PGR: variants seen among roughly 807,000 people sequenced by gnomAD.
The protein encoded by PGR is nuclear receptor subfamily 3 group C member 3.
In PGR, 25 loss-of-function variants were observed where a neutral mutation model predicts 76.1. That is an observed-to-expected ratio of 0.33 (90% CI 0.24 to 0.46). The LOEUF (loss-of-function observed/expected upper bound fraction) is 0.46. PGR is among the 20% of genes least tolerant of loss of function. The pLI, the probability that PGR is intolerant of heterozygous loss-of-function variation, is 1.00. For synonymous variants in PGR, 579 were observed against 535.0 expected (o/e 1.08, Z -1.14); for missense variants, 1,172 against 1,225.3 (o/e 0.96, Z 0.65).
intron 2 of PGR, among the ~76,000 whole-genome samples, chr11:101,102,158 A>T (rs117732947): frequency 0.013 from 1,946 of 152,358 alleles, 11 homozygotes; most frequent in Non-Finnish European, 0.021. Context: ...TTGCTAACCA[A>T]GTAAAATACA....
intron 3 of PGR, among the ~76,000 whole-genome samples, chr11:101,079,465 G>T (rs1441926931): frequency 6.7e-6 from 1 of 150,156 alleles, no homozygotes; most frequent in East Asian, 1.9e-4. Context: ...AAAATGAACA[G>T]AAATTTCTTG....
At position 101,078,790 on chromosome 11, in the gene PGR, T is replaced by C. The variant is rs11571195; in HGVS notation, c.1906+12970A>G. On this transcript the variant is annotated intron_variant, in intron 3 of 7. Transcript: ENST00000325455. ...CATGTCAAAACATATTTATTACCTC[T>C]ATTATTCTACTGTAAGATTTTATTA... Among the ~76,000 whole-genome samples the C allele has an allele frequency of 8.0e-3, 1,225 of 152,310 alleles. 17 individuals are homozygous for C. Among genetic ancestry groups the C allele is most frequent in the African/African-American group, 0.026 (1,082 of 41,572 alleles).
chr11:101,060,135 G>C lies in PGR; in HGVS notation c.2212+2312C>G, dbSNP rs376290175. Among the ~76,000 whole-genome samples, 10 of 152,112 alleles carry C rather than the reference G, an allele frequency of 6.6e-5. 1 individual carries two copies. The South Asian group carries it at 1.9e-3, about 28-fold the overall frequency. ...CTATTGTGAAAGAATGATCTGATCT[G>C]TTAATATATTCTCCTAGCAACATAA... On this transcript the variant is annotated intron_variant, in intron 4 of 7. Coordinates refer to ENST00000325455, the MANE Select transcript of PGR (RefSeq NM_000926.4).
intron 3 of PGR, 181 bp from the exon 4 acceptor site, chr11:101,062,933 T>A (rs1223274014): frequency 7.9e-6 from 4 of 505,738 alleles, no homozygotes; most frequent in Non-Finnish European, 1.4e-5. Context: ...TGTAACTAAC[T>A]CTTGATTAAA....
At chr11:101,114,998 C>T (rs909022764) in intron 2 of PGR, among the ~76,000 whole-genome samples, 1 of 152,090 alleles carries the variant, frequency 6.6e-6, no homozygotes, top group African/African-American at 2.4e-5. Flanking sequence ...TATAATAATC[C>T]TCACCATTCC....
chr11:101,076,251 G>C (rs1201664735), intron 3 of PGR, among the ~76,000 whole-genome samples: 1 of 151,368 alleles, frequency 6.6e-6, no homozygotes, highest in Non-Finnish European at 1.5e-5. Flanking sequence ...TCTCTCATAA[G>C]TGGGAGGTGA....
chr11:101,060,050 A>C (rs1860436981), intron 4 of PGR, among the ~76,000 whole-genome samples: 1 of 152,102 alleles, frequency 6.6e-6, no homozygotes, highest in Admixed American at 6.5e-5. Flanking sequence ...AAACGCTGTC[A>C]CCTTTGTTAT....
rs539538130 is a variant in PGR at position 101,097,998 on chromosome 11, G to A, written c.1790-6122C>T. On this transcript the variant is annotated intron_variant, in intron 2 of 7. Coordinates refer to ENST00000325455, the MANE Select transcript of PGR (RefSeq NM_000926.4). ...TCACCGTGTTAGCCAGGATGGTCTC[G>A]ATCTCCTGACCTTGTGATCCTCCTG... Among the ~76,000 whole-genome samples, 6 of 151,974 alleles carry A rather than the reference G, an allele frequency of 3.9e-5. No individual in the cohort carries two copies. In the South Asian group the frequency reaches 6.2e-4, roughly 16 times the overall value.
intron 4 of PGR, among the ~76,000 whole-genome samples, chr11:101,061,116 T>TAAAC (rs1402691731): frequency 2.0e-5 from 3 of 152,168 alleles, no homozygotes; most frequent in African/African-American, 7.2e-5. Flanking sequence ...GGAGAAAAAT[T>TAAAC]AAACACATGT....
chr11:101,090,638 G>A (rs2135455165), intron 3 of PGR, among the ~76,000 whole-genome samples: 1 of 152,332 alleles, frequency 6.6e-6, no homozygotes, highest in African/African-American at 2.4e-5. Context: ...TGAGGTTGTG[G>A]TTTTATTCAT....
At position 101,031,600 on chromosome 11, in the gene PGR, T is replaced by G. The variant is rs1228542160; in HGVS notation, c.*7516A>C. The G allele has an allele frequency of 4.5e-6, 1 of 221,050 alleles. No homozygotes were observed. Among genetic ancestry groups the G allele is most frequent in the Non-Finnish European group, 9.1e-6 (1 of 110,440 alleles). The allele number at this position is 221,050 out of a possible 1,614,324, so 13.7% of individuals were successfully genotyped here. On this transcript the variant is annotated 3_prime_UTR_variant, in exon 8 of 8. Coordinates refer to ENST00000325455, the MANE Select transcript of PGR (RefSeq NM_000926.4). The stretch of plus-strand genomic sequence containing the variant: ...CTACTGAGAATTTAGCTTTTTTTTT[T>G]TTTTTGGAGTGGGTATACCATTTTG...
At chr11:101,113,952 C>A (rs952346317) in intron 2 of PGR, among the ~76,000 whole-genome samples, 3 of 152,048 alleles carry the variant, frequency 2.0e-5, no homozygotes, top group South Asian at 2.1e-4. Context: ...TTTCATCCGC[C>A]CCCCCATCCA....
chr11:101,062,010 C>G (rs190572114), intron 4 of PGR, among the ~76,000 whole-genome samples: 2 of 152,044 alleles, frequency 1.3e-5, no homozygotes, highest in Admixed American at 6.6e-5. Flanking sequence ...ACTTTTGACA[C>G]CTTACTGTAC....
Position 101,127,599 on chromosome 11 carries a change from G to A in PGR, c.1472C>T (p.Pro491Leu), listed in dbSNP as rs756644416. The part of the protein sequence containing the change: ...KAPGASGCLL[P>L]RDGLPSTSAS... ...GGAGGTGGAGGGCAGGCCGTCCCGC[G>A]GGAGCAGGCAGCCGCTCGCGCCCGG... The change falls in exon 1 of 8, where the codon CCG becomes CTG. Residue 491 changes from proline to leucine, a missense_variant. Pro to Leu is a moderately conservative substitution (Grantham distance 98). Around this residue, in one of 4 missense-constraint regions of PGR, gnomAD observed 893 missense variants for 785.9 expected, o/e 1.14. Coordinates refer to ENST00000325455, the MANE Select transcript of PGR (RefSeq NM_000926.4). 3.8e-6 allele frequency: 5 copies of A among 1,302,734 alleles called. No homozygotes were observed. The highest frequency in any genetic ancestry group is 4.8e-6 in the Non-Finnish European group (5 of 1,034,604). 80.7% of individuals were successfully genotyped at this position (1,302,734 alleles called of 1,614,324 possible). A position where few individuals can be genotyped will look rare whatever the true frequency, so the allele number is the denominator to read the frequency against.
chr11:101,032,695 A>C lies in PGR; in HGVS notation c.*6421T>G, dbSNP rs1245915876. 1 of 210,636 alleles carries C rather than the reference A, an allele frequency of 4.7e-6. No homozygotes were observed. Among genetic ancestry groups the C allele is most frequent in the African/African-American group, 2.3e-5 (1 of 44,024 alleles). 13.0% of individuals were successfully genotyped at this position (210,636 alleles called of 1,614,324 possible). On this transcript the variant is annotated 3_prime_UTR_variant, in exon 8 of 8. Coordinates refer to ENST00000325455, the MANE Select transcript of PGR (RefSeq NM_000926.4). ...TTCAGGATGCCTCTGCTAACCCCTA[A>C]ATTCAAGGTAGGTGCTCCTCTTAGG...
chr11:101,056,654 A>AT (rs1252965641), intron 4 of PGR, among the ~76,000 whole-genome samples: 2 of 151,558 alleles, frequency 1.3e-5, no homozygotes, highest in East Asian at 1.9e-4. Context: ...AAAAAAAAAA[A>AT]AAAAAAGATG....
Position 101,042,020 on chromosome 11 carries a change from A to G in PGR, c.2571T>C (p.Gly857=), listed in dbSNP as rs1475930986. ...TCGACACAACTCCTTTTTGCCTCAAACCAATTGCCTTGATGAGCTCTCTAA... is the reference window on the plus strand; with the variant it reads ...TCGACACAACTCCTTTTTGCCTCAAGCCAATTGCCTTGATGAGCTCTCTAA... ...SYIRELIKAI[G]LRQKGVVSSS... Residue 857 remains glycine (G), a synonymous_variant, in exon 7 of 8, where the codon GGT becomes GGC. Coordinates refer to ENST00000325455, the MANE Select transcript of PGR (RefSeq NM_000926.4). The G allele has an allele frequency of 3.7e-6, 6 of 1,613,498 alleles. No individual in the cohort carries two copies. The highest frequency in any genetic ancestry group is 1.3e-5 in the African/African-American group (1 of 74,890).
chr11:101,074,002 A>G (rs560607757), intron 3 of PGR, among the ~76,000 whole-genome samples: 5 of 152,178 alleles, frequency 3.3e-5, no homozygotes, highest in Non-Finnish European at 7.4e-5. Context: ...CCTGACACCA[A>G]AACCCGGCAG....
At chr11:101,083,277 A>G (rs1861371302) in intron 3 of PGR, among the ~76,000 whole-genome samples, 1 of 152,224 alleles carries the variant, frequency 6.6e-6, no homozygotes, top group Admixed American at 6.5e-5. Context: ...CAGAGGATGT[A>G]TGGAAATGCC....
Sources: gnomAD v4.1 joint callset for allele counts (sites outside exome capture counted in the v4.1 genomes callset) on GRCh38, gnomAD v4.1.1 for gene constraint, gnomAD v4.1.1 regional missense constraint, MANE v1.5 for transcripts, NCBI Gene and HGNC (gene_info 2026-07-23, HGNC 2026-07-21) for gene names.